SNTG1: variants seen among roughly 807,000 people sequenced by gnomAD.
SNTG1 encodes the protein syntrophin gamma 1.
Under a neutral mutation model 74.7 loss-of-function variants are expected in SNTG1, and 39 were observed. That is an observed-to-expected ratio of 0.52 (90% CI 0.40 to 0.68). The LOEUF (loss-of-function observed/expected upper bound fraction) is 0.68. Ranked by LOEUF, SNTG1 falls within the 30% of genes least tolerant of loss-of-function variation. The pLI is 0.00. For missense variants in SNTG1, 685 were observed against 609.5 expected (o/e 1.12, Z -1.30); for synonymous variants, 254 against 217.1 (o/e 1.17, Z -1.49).
intron 1 of SNTG1, among the ~76,000 whole-genome samples, chr8:50,160,448 A>G (rs762406659): frequency 6.6e-6 from 1 of 152,184 alleles, no homozygotes; most frequent in Non-Finnish European, 1.5e-5. Flanking sequence ...CAGTTTTCTT[A>G]AAGGGTCATA....
intron 1 of SNTG1, among the ~76,000 whole-genome samples, chr8:50,004,326 A>C (rs1458612595): frequency 6.6e-6 from 1 of 152,154 alleles, no homozygotes; most frequent in African/African-American, 2.4e-5. Flanking sequence ...GTTTATTCCT[A>C]GTTAATTTGG....
intron 4 of SNTG1, among the ~76,000 whole-genome samples, chr8:50,428,368 C>T (rs915948991): frequency 6.6e-6 from 1 of 152,080 alleles, no homozygotes; most frequent in African/African-American, 2.4e-5. Context: ...TGGGCAGTGG[C>T]TCCTAGTTCC....
At chr8:50,236,274 G>A (rs1299408429) in intron 2 of SNTG1, among the ~76,000 whole-genome samples, 2 of 152,052 alleles carry the variant, frequency 1.3e-5, no homozygotes, top group African/African-American at 2.4e-5. Flanking sequence ...ATAGAAAATA[G>A]ACTATAACTG....
intron 1 of SNTG1, among the ~76,000 whole-genome samples, chr8:49,982,142 T>C (rs887034900): frequency 2.0e-5 from 3 of 152,122 alleles, no homozygotes; most frequent in Non-Finnish European, 4.4e-5. Context: ...CCACATGAAA[T>C]CACTTATAAA....
intron 17 of SNTG1, among the ~76,000 whole-genome samples, chr8:50,736,206 G>A (rs2095528270): frequency 6.6e-6 from 1 of 151,750 alleles, no homozygotes; most frequent in Non-Finnish European, 1.5e-5. Flanking sequence ...TGAAGAAACT[G>A]CATCAACTAA....
intron 15 of SNTG1, among the ~76,000 whole-genome samples, chr8:50,689,386 G>T (rs532841941): frequency 2.0e-5 from 3 of 152,126 alleles, no homozygotes; most frequent in Non-Finnish European, 4.4e-5. Flanking sequence ...CTGTGGGTTT[G>T]TCATAGATAG....
chr8:50,589,610 C>T (rs1312912014), intron 12 of SNTG1, among the ~76,000 whole-genome samples: 2 of 150,900 alleles, frequency 1.3e-5, no homozygotes, highest in African/African-American at 4.9e-5. Context: ...AAAAACATTG[C>T]AGTTTACGAA....
At chr8:50,740,737 T>A (rs1480537679) in intron 17 of SNTG1, among the ~76,000 whole-genome samples, 1 of 151,950 alleles carries the variant, frequency 6.6e-6, no homozygotes, top group East Asian at 1.9e-4. Flanking sequence ...ATGGAGTCAA[T>A]CTAAATGCCC....
At chr8:50,535,357 A>G (rs116137205) in intron 10 of SNTG1, among the ~76,000 whole-genome samples, 2,025 of 152,284 alleles carry the variant, frequency 0.013, 54 homozygotes, top group African/African-American at 0.046. Flanking sequence ...CCCATGTCAT[A>G]TGCTGACCAC....
chr8:50,336,311 A>G (rs985142931), intron 2 of SNTG1, among the ~76,000 whole-genome samples: 6 of 152,202 alleles, frequency 3.9e-5, no homozygotes, highest in African/African-American at 9.6e-5. Flanking sequence ...ATCTGTATTC[A>G]TAGATTTTCT....
At chr8:50,482,615 C>T (rs2093750237) in intron 8 of SNTG1, among the ~76,000 whole-genome samples, 1 of 152,154 alleles carries the variant, frequency 6.6e-6, no homozygotes, top group African/African-American at 2.4e-5. Context: ...AATCAGCAAT[C>T]ATTTACTTCA....
chr8:50,208,438 T>C (rs1441304281), intron 2 of SNTG1, among the ~76,000 whole-genome samples: 1 of 152,176 alleles, frequency 6.6e-6, no homozygotes, highest in African/African-American at 2.4e-5. Context: ...TCCCTTTATT[T>C]TGAGCTTTTA....
At chr8:49,992,812 A>G (rs138198941) in intron 1 of SNTG1, among the ~76,000 whole-genome samples, 1 of 152,340 alleles carries the variant, frequency 6.6e-6, no homozygotes, top group Non-Finnish European at 1.5e-5. Context: ...ATTTATAAAA[A>G]TAGTTCAAAA....
intron 2 of SNTG1, among the ~76,000 whole-genome samples, chr8:50,365,300 T>A (rs2092077930): frequency 6.6e-6 from 1 of 152,126 alleles, no homozygotes; most frequent in Non-Finnish European, 1.5e-5. Flanking sequence ...CATGGTGAGA[T>A]AATTACTGAA....
At chr8:50,504,209 T>C (rs557391994) in intron 9 of SNTG1, among the ~76,000 whole-genome samples, 42 of 152,332 alleles carry the variant, frequency 2.8e-4, no homozygotes, top group African/African-American at 9.6e-4. Context: ...TATTCCATGG[T>C]GTATATGTAC....
At chr8:50,550,905 A>G (rs1418112054) in intron 11 of SNTG1, among the ~76,000 whole-genome samples, 1 of 152,172 alleles carries the variant, frequency 6.6e-6, no homozygotes, top group East Asian at 1.9e-4. Flanking sequence ...GTTTTTCCCT[A>G]GTGCTTGATG....
At chr8:50,770,879 C>A (rs1386249807) in intron 18 of SNTG1, among the ~76,000 whole-genome samples, 1 of 152,050 alleles carries the variant, frequency 6.6e-6, no homozygotes, top group African/African-American at 2.4e-5. Context: ...TTGCATATTC[C>A]CACTTCACTT....
chr8:50,781,819 G>A (rs532061739), intron 18 of SNTG1, among the ~76,000 whole-genome samples: 2 of 152,228 alleles, frequency 1.3e-5, no homozygotes, highest in Non-Finnish European at 2.9e-5. Flanking sequence ...TTACAATTTG[G>A]CATGATTTTG....
intron 2 of SNTG1, among the ~76,000 whole-genome samples, chr8:50,392,585 A>T (rs1225831279): frequency 6.6e-6 from 1 of 152,206 alleles, no homozygotes; most frequent in Non-Finnish European, 1.5e-5. Context: ...ATGGTCTAGT[A>T]GAACCTGAGG....
Sources: allele counts gnomAD v4.1 joint callset (sites outside exome capture counted in the v4.1 genomes callset), GRCh38; gene constraint gnomAD v4.1.1; transcripts MANE v1.5; gene names NCBI Gene and HGNC (gene_info 2026-07-23, HGNC 2026-07-21).